The following RPS6KA5 variants were observed in gnomAD, a reference collection of about 807,000 sequenced individuals.
RPS6KA5 encodes ribosomal protein S6 kinase A5, also known as ribosomal protein S6 kinase alpha-5.
Under a neutral mutation model 85.5 loss-of-function variants are expected in RPS6KA5, and 27 were observed. The observed-to-expected ratio is 0.32, with a 90% CI of 0.23 to 0.44. The LOEUF is 0.44. RPS6KA5 is among the 20% of genes least tolerant of loss of function. RPS6KA5 has a pLI of 1.00. For synonymous variants in RPS6KA5, 334 were observed against 348.2 expected (o/e 0.96, Z 0.46); for missense variants, 811 against 980.9 (o/e 0.83, Z 2.31).
intron 3 of RPS6KA5, among the ~76,000 whole-genome samples, chr14:90,953,530 T>C (rs1298156065): frequency 6.6e-6 from 1 of 152,234 alleles, no homozygotes; most frequent in African/African-American, 2.4e-5. Flanking sequence ...AAGGTCTGAC[T>C]GCCTGCAGGG....
intron 2 of RPS6KA5, among the ~76,000 whole-genome samples, chr14:90,995,174 C>T (rs571208121): frequency 2.0e-5 from 3 of 152,084 alleles, no homozygotes; most frequent in South Asian, 2.1e-4. Context: ...TACAGGTGCC[C>T]GCCACAACGC....
chr14:91,050,250 A>G (rs924059290), intron 1 of RPS6KA5, among the ~76,000 whole-genome samples: 1 of 152,102 alleles, frequency 6.6e-6, no homozygotes, highest in Admixed American at 6.5e-5. Flanking sequence ...GCATGGTGGT[A>G]TGTGCCTACA....
intron 13 of RPS6KA5, among the ~76,000 whole-genome samples, chr14:90,892,957 C>G (rs780117057): frequency 3.2e-4 from 48 of 151,990 alleles, no homozygotes; most frequent in Non-Finnish European, 5.9e-4. Context: ...AGCCTTATAA[C>G]AAATAAGAAG....
At chr14:90,900,477 G>T in intron 10 of RPS6KA5, 134 bp downstream of exon 10, 3 of 852,990 alleles carry the variant, frequency 3.5e-6, no homozygotes, top group African/African-American at 1.7e-5. Flanking sequence ...ATTCTCTAGG[G>T]AAAATATTGC....
chr14:91,025,518 GT>G (rs2041957663), intron 1 of RPS6KA5, among the ~76,000 whole-genome samples: 1 of 152,218 alleles, frequency 6.6e-6, no homozygotes. Flanking sequence ...TGGGTCATGT[GT>G]GGTTTTCAGC....
intron 2 of RPS6KA5, among the ~76,000 whole-genome samples, chr14:90,998,466 T>C (rs570012961): frequency 4.6e-5 from 7 of 152,292 alleles, no homozygotes; most frequent in Non-Finnish European, 8.8e-5. Context: ...CAATCTATAA[T>C]ATATATCAAC....
chr14:91,026,397 A>AT (rs35072248), intron 1 of RPS6KA5, among the ~76,000 whole-genome samples: 10 of 149,718 alleles, frequency 6.7e-5, no homozygotes, highest in Admixed American at 1.3e-4. Context: ...TACCTAGCTA[A>AT]TTTTTTTTTT....
intron 3 of RPS6KA5, among the ~76,000 whole-genome samples, chr14:90,951,536 G>A (rs181771976): frequency 2.0e-5 from 3 of 152,154 alleles, no homozygotes; most frequent in East Asian, 1.9e-4. Flanking sequence ...AATTTTGAGC[G>A]CCCATCTAAA....
chr14:90,997,237 A>T (rs1394029622), intron 2 of RPS6KA5, among the ~76,000 whole-genome samples: 1 of 152,226 alleles, frequency 6.6e-6, no homozygotes, highest in Non-Finnish European at 1.5e-5. Flanking sequence ...GATTACTTTA[A>T]ACAGAACTTG....
chr14:91,044,683 C>T (rs1293295008), intron 1 of RPS6KA5, among the ~76,000 whole-genome samples: 1 of 151,954 alleles, frequency 6.6e-6, no homozygotes, highest in Non-Finnish European at 1.5e-5. Context: ...CCAGCCTGGC[C>T]AACATGGTGA....
At chr14:91,033,189 C>CA (rs71117400) in intron 1 of RPS6KA5, among the ~76,000 whole-genome samples, 80,912 of 138,106 alleles carry the variant, frequency 0.59, 22,803 homozygotes, top group Admixed American at 0.61. Flanking sequence ...GACTCTGTCT[C>CA]AAAAAAAAAA....
chr14:90,876,448 T>C (rs2033484456), intron 14 of RPS6KA5, among the ~76,000 whole-genome samples: 1 of 152,234 alleles, frequency 6.6e-6, no homozygotes, highest in Non-Finnish European at 1.5e-5. Flanking sequence ...ATTGTAGCCA[T>C]ATGTTTGAAA....
intron 1 of RPS6KA5, among the ~76,000 whole-genome samples, chr14:91,028,489 T>G (rs2042067079): frequency 6.6e-6 from 1 of 152,066 alleles, no homozygotes; most frequent in Admixed American, 6.6e-5. Context: ...GTGTTGGGAT[T>G]ACAGGCATGA....
At chr14:91,058,246 T>C (rs1298158657) in intron 1 of RPS6KA5, among the ~76,000 whole-genome samples, 1 of 152,236 alleles carries the variant, frequency 6.6e-6, no homozygotes, top group Non-Finnish European at 1.5e-5. Flanking sequence ...TCGTTTCCTT[T>C]GACAGTTAAC....
intron 1 of RPS6KA5, among the ~76,000 whole-genome samples, chr14:91,046,361 C>CAA (rs1595551260): frequency 6.6e-6 from 1 of 152,098 alleles, no homozygotes; most frequent in East Asian, 1.9e-4. Flanking sequence ...CATATGGCCC[C>CAA]ATTATGTTTG....
rs554526065 is a variant in RPS6KA5, at chr14:90,870,893, T to C, written c.*1181A>G. 39 of 147,036 alleles carry C rather than the reference T, an allele frequency of 2.7e-4. No individual in the cohort carries two copies. In the South Asian group the frequency reaches 8.8e-3, roughly 33 times the overall value. The allele number at this position is 147,036 out of a possible 1,614,324, so 9.1% of individuals were successfully genotyped here. A position where few individuals can be genotyped will look rare whatever the true frequency, so the allele number is the denominator to read the frequency against. ...CTTTTAATGAAATGTTTTCATCACATAGTACTTGTTTTCTGTATGAATTCA... is the reference window on the plus strand; with the variant it reads ...CTTTTAATGAAATGTTTTCATCACACAGTACTTGTTTTCTGTATGAATTCA... On this transcript the variant is annotated 3_prime_UTR_variant, in exon 17 of 17. Transcript: ENST00000614987.
chr14:90,969,332 C>G (rs1032289595), intron 3 of RPS6KA5, among the ~76,000 whole-genome samples: 2 of 152,190 alleles, frequency 1.3e-5, no homozygotes, highest in African/African-American at 4.8e-5. Flanking sequence ...TTTCAGGCTG[C>G]TCGTCTTTGC....
At chr14:91,003,002 A>C (rs1023392542) in intron 1 of RPS6KA5, among the ~76,000 whole-genome samples, 1 of 152,204 alleles carries the variant, frequency 6.6e-6, no homozygotes, top group African/African-American at 2.4e-5. Context: ...CTTATCTTTA[A>C]TATGTCAAGT....
rs147512242 is a variant in RPS6KA5, at chr14:90,878,371, C to A, written c.1837-3011G>T. On this transcript the variant is annotated intron_variant, in intron 14 of 16. Transcript: ENST00000614987. Reference sequence around the variant, plus strand: ...AACTTGTGTCACATGTGTTCCAGATCCCCCCTCCCCTTCCTCGGATGCCAG... The same window carrying A: ...AACTTGTGTCACATGTGTTCCAGATACCCCCTCCCCTTCCTCGGATGCCAG... Among the ~76,000 whole-genome samples, 670 of 152,202 alleles carry A rather than the reference C, an allele frequency of 4.4e-3. 3 individuals carry two copies. The highest frequency in any genetic ancestry group is 7.4e-3 in the Non-Finnish European group (502 of 68,004).
Sources: gnomAD v4.1 joint callset for allele counts (sites outside exome capture counted in the v4.1 genomes callset) on GRCh38, gnomAD v4.1.1 for gene constraint, MANE v1.5 for transcripts, NCBI Gene and HGNC (gene_info 2026-07-23, HGNC 2026-07-21) for gene names.